ADAM23: variants seen among roughly 807,000 people sequenced by gnomAD.
ADAM23 encodes the protein ADAM metallopeptidase domain 23.
In ADAM23, 33 loss-of-function variants were observed where a neutral mutation model predicts 120.1. That is an observed-to-expected ratio of 0.27 (90% CI 0.21 to 0.37). The LOEUF is 0.37. ADAM23 is among the 10% of genes least tolerant of loss of function. ADAM23 has a pLI of 1.00. For missense variants in ADAM23, 862 were observed against 1,058.2 expected (o/e 0.81, Z 2.57); for synonymous variants, 367 against 375.2 (o/e 0.98, Z 0.25).
rs770508091 is a variant in ADAM23, at chr2:206,596,143, C to G, written c.2340C>G (p.Pro780=). ...IRDPVRNLHP[P]KDEGPKGPSA... ...ATCCAGTTAGGAACCTTCACCCCCC[C>G]AAGGATGAAGGACCCAAGGGTTTGT... Residue 780 remains proline (P), a synonymous_variant, in exon 24 of 26, where the codon CCC becomes CCG. Transcript: ENST00000264377. 6 of 1,613,716 alleles carry G rather than the reference C, an allele frequency of 3.7e-6. No homozygotes were observed. The highest frequency in any genetic ancestry group is 2.7e-5 in the African/African-American group (2 of 74,892).
At chr2:206,614,164 T>A (rs1698889204) in intron 25 of ADAM23, among the ~76,000 whole-genome samples, 1 of 152,230 alleles carries the variant, frequency 6.6e-6, no homozygotes, top group African/African-American at 2.4e-5. Flanking sequence ...AGTGTTAATT[T>A]AATATTAATA....
chr2:206,450,873 G>T (rs566594945), intron 2 of ADAM23, among the ~76,000 whole-genome samples: 1 of 152,270 alleles, frequency 6.6e-6, no homozygotes, highest in Non-Finnish European at 1.5e-5. Flanking sequence ...TGAATCAGGC[G>T]CTGTGCTAGA....
intron 15 of ADAM23, 148 bp from the exon 16 acceptor site, chr2:206,570,592 G>A (rs1697975709): frequency 1.7e-6 from 1 of 605,638 alleles, no homozygotes; most frequent in South Asian, 1.9e-5. Flanking sequence ...TTCCCATACA[G>A]TCATCATTTA....
intron 3 of ADAM23, among the ~76,000 whole-genome samples, chr2:206,502,684 C>G (rs1696413471): frequency 6.6e-6 from 1 of 152,232 alleles, no homozygotes; most frequent in South Asian, 2.1e-4. Flanking sequence ...CAGTCCCCAT[C>G]TTATTTTCCC....
chr2:206,611,153 A>G (rs1358491982), intron 25 of ADAM23, among the ~76,000 whole-genome samples: 2 of 152,234 alleles, frequency 1.3e-5, no homozygotes, highest in Non-Finnish European at 2.9e-5. Context: ...TTGTTATCAT[A>G]TTAAGATTTA....
At chr2:206,509,022 T>C (rs1486306275) in intron 3 of ADAM23, among the ~76,000 whole-genome samples, 1 of 152,242 alleles carries the variant, frequency 6.6e-6, no homozygotes, top group Non-Finnish European at 1.5e-5. Context: ...GTAGTGAAGT[T>C]AGAGACCTGT....
In ADAM23 at chr2:206,536,632, GAC is replaced by G. The variant is rs1396081902; in HGVS notation, c.574-5418_574-5417del. Among the ~76,000 whole-genome samples the G allele has an allele frequency of 2.0e-5, 3 of 152,100 alleles. No individual in the cohort carries two copies. In the East Asian group the frequency reaches 5.8e-4, roughly 29 times the overall value. ...AAACGTAACTGTGAGGTAGAAATAA[GAC>G]ATGTTAATTTGATTGACTATAGTAA... On this transcript the variant is annotated intron_variant, in intron 4 of 25. Transcript: ENST00000264377.
intron 18 of ADAM23, among the ~76,000 whole-genome samples, chr2:206,585,184 C>T (rs935616720): frequency 1.3e-5 from 2 of 152,272 alleles, no homozygotes; most frequent in South Asian, 2.1e-4. Flanking sequence ...TGCAGGCCTC[C>T]GCATGCTGCC....
In ADAM23 at chr2:206,523,136, A is replaced by G. The variant is rs143360246; in HGVS notation, c.510-7749A>G. Among the ~76,000 whole-genome samples the G allele has an allele frequency of 5.3e-3, 804 of 152,134 alleles. 3 individuals are homozygous for G. The highest frequency in any genetic ancestry group is 7.2e-3 in the Non-Finnish European group (490 of 67,992). The stretch of plus-strand genomic sequence containing the variant: ...TCCTAACTCTTTGTTTCTCCACTCT[A>G]CAATTAGCTTGCAGGCCTGCCTATG... On this transcript the variant is annotated intron_variant, in intron 3 of 25. Transcript: ENST00000264377.
At chr2:206,473,033 A>T (rs935142496) in intron 2 of ADAM23, among the ~76,000 whole-genome samples, 3 of 152,112 alleles carry the variant, frequency 2.0e-5, no homozygotes, top group Non-Finnish European at 4.4e-5. Flanking sequence ...ATTTTCGGGC[A>T]TGTATGTTTT....
At chr2:206,461,193 C>CT (rs1270633321) in intron 2 of ADAM23, among the ~76,000 whole-genome samples, 3 of 151,436 alleles carry the variant, frequency 2.0e-5, no homozygotes, top group Non-Finnish European at 4.4e-5. Context: ...TCCTGAGTAG[C>CT]TGGGATGACA....
intron 3 of ADAM23, among the ~76,000 whole-genome samples, chr2:206,522,157 ATC>A (rs1696857190): frequency 1.3e-5 from 2 of 151,968 alleles, no homozygotes; most frequent in African/African-American, 2.4e-5. Context: ...ATATATATAT[ATC>A]TCTGTGTACA....
At chr2:206,547,916 G>A (rs1697432744) in intron 7 of ADAM23, among the ~76,000 whole-genome samples, 1 of 152,132 alleles carries the variant, frequency 6.6e-6, no homozygotes, top group East Asian at 1.9e-4. Flanking sequence ...TTTTATTTCT[G>A]TATATTACTG....
intron 2 of ADAM23, among the ~76,000 whole-genome samples, chr2:206,474,570 A>G (rs746963870): frequency 6.6e-6 from 1 of 151,872 alleles, no homozygotes. Flanking sequence ...CATTGGTCAC[A>G]TTATTATTAT....
chr2:206,501,479 G>A (rs541094791), intron 3 of ADAM23, among the ~76,000 whole-genome samples: 1 of 152,062 alleles, frequency 6.6e-6, no homozygotes, highest in South Asian at 2.1e-4. Context: ...TCCTGACATT[G>A]CTATTGTCCC....
At position 206,596,098 on chromosome 2, in the gene ADAM23, G is replaced by A; in HGVS notation, c.2295G>A (p.Gly765=). ...ATCICDFTWA[G]TDCSIRDPVR... The stretch of plus-strand genomic sequence containing the variant: ...GCATTTGTGATTTCACCTGGGCAGG[G>A]ACAGATTGCAGTATCCGGGATCCAG... The change falls in exon 24 of 26, where the codon GGG becomes GGA. Residue 765 remains glycine, a synonymous_variant. Coordinates refer to ENST00000264377, the MANE Select transcript of ADAM23 (RefSeq NM_003812.4). 1 of 1,613,998 alleles carries A rather than the reference G, an allele frequency of 6.2e-7. No homozygotes were observed. The highest frequency in any genetic ancestry group is 8.5e-7 in the Non-Finnish European group (1 of 1,179,920).
Position 206,494,892 on chromosome 2 carries a change from G to A in ADAM23, c.509+13584G>A, listed in dbSNP as rs1333872083. 7.2e-5 allele frequency among the ~76,000 whole-genome samples: 11 copies of A among 152,186 alleles called. 1 individual carries two copies. The highest frequency in any genetic ancestry group is 7.2e-4 in the Admixed American group (11 of 15,280). ...CCAATGCTATCAACTGGAAGAAAGG[G>A]TATCAGCGATGGAAGACAAAATGAA... is the stretch of plus-strand genomic sequence containing the variant. On this transcript the variant is annotated intron_variant, in intron 3 of 25. Transcript: ENST00000264377.
intron 4 of ADAM23, among the ~76,000 whole-genome samples, chr2:206,537,039 G>GA (rs1159130207): frequency 1.3e-5 from 2 of 152,138 alleles, no homozygotes; most frequent in East Asian, 3.9e-4. Flanking sequence ...CAAAAAAGCA[G>GA]AAAAAATATT....
chr2:206,589,202 A>G (rs148525124), intron 20 of ADAM23, among the ~76,000 whole-genome samples: 434 of 152,298 alleles, frequency 2.8e-3, no homozygotes, highest in African/African-American at 9.9e-3. Context: ...TTAAATTTTC[A>G]GGAATTTTGG....
Sources: allele counts gnomAD v4.1 joint callset (sites outside exome capture counted in the v4.1 genomes callset), GRCh38; gene constraint gnomAD v4.1.1; transcripts MANE v1.5; gene names NCBI Gene and HGNC (gene_info 2026-07-23, HGNC 2026-07-21).